The following CTSO variants were observed in gnomAD, a reference collection of about 807,000 sequenced individuals.
The protein encoded by CTSO is cathepsin O.
CTSO carries 40 observed loss-of-function variants against 42.4 expected under a neutral mutation model. That is an observed-to-expected ratio of 0.94 (90% CI 0.73 to 1.23). CTSO has a LOEUF of 1.23. Ranked by LOEUF, CTSO falls within the 50% of genes most tolerant of loss-of-function variation. CTSO has a pLI of 0.00. For synonymous variants in CTSO, 156 were observed against 146.2 expected (o/e 1.07, Z -0.48); for missense variants, 441 against 396.0 (o/e 1.11, Z -0.96).
intron 5 of CTSO, among the ~76,000 whole-genome samples, chr4:155,935,227 G>A (rs1743309386): frequency 6.6e-6 from 1 of 152,132 alleles, no homozygotes; most frequent in South Asian, 2.1e-4. Flanking sequence ...CTCCTGCCGT[G>A]ATTCTGAAGC....
intron 5 of CTSO, among the ~76,000 whole-genome samples, chr4:155,933,324 T>G (rs148211754): frequency 3.0e-4 from 45 of 152,104 alleles, no homozygotes; most frequent in Non-Finnish European, 5.3e-4. Flanking sequence ...AGTGCCTTTC[T>G]CCTCCCGCCA....
chr4:155,925,880 G>A lies in CTSO; in HGVS notation c.*156C>T, dbSNP rs1743120563. On this transcript the variant is annotated 3_prime_UTR_variant, in exon 8 of 8. Transcript: ENST00000433477. The stretch of plus-strand genomic sequence containing the variant: ...TGGTTGTCCATCTCTCTACAAGAAG[G>A]GAACATTCTGAAACTTAGTTTAAAT... 2 of 672,092 alleles carry A rather than the reference G, an allele frequency of 3.0e-6. No homozygotes were observed. The highest frequency in any genetic ancestry group is 1.9e-5 in the South Asian group (1 of 51,924). The allele number at this position is 672,092 out of a possible 1,614,324, so 41.6% of individuals were successfully genotyped here. A position where few individuals can be genotyped will look rare whatever the true frequency, so the allele number is the denominator to read the frequency against.
At chr4:155,932,759 C>T (rs935496696) in intron 5 of CTSO, among the ~76,000 whole-genome samples, 2 of 152,108 alleles carry the variant, frequency 1.3e-5, no homozygotes, top group Admixed American at 1.3e-4. Context: ...ATCAAGAAAC[C>T]CTGCTGCCCC....
chr4:155,945,170 T>A (rs891122277), intron 1 of CTSO, among the ~76,000 whole-genome samples: 5 of 151,644 alleles, frequency 3.3e-5, no homozygotes, highest in African/African-American at 1.2e-4. Flanking sequence ...GGCAGGAGAA[T>A]CGCTTGAACC....
intron 1 of CTSO, among the ~76,000 whole-genome samples, chr4:155,945,443 C>T (rs1743525299): frequency 6.6e-6 from 1 of 152,036 alleles, no homozygotes; most frequent in African/African-American, 2.4e-5. Flanking sequence ...TTTTGCAAGG[C>T]ACAGATTGCC....
At chr4:155,943,968 T>C (rs12504195) in intron 1 of CTSO, among the ~76,000 whole-genome samples, 1 of 152,200 alleles carries the variant, frequency 6.6e-6, no homozygotes, top group Admixed American at 6.5e-5. Flanking sequence ...ACTAACCAAT[T>C]ACATAGAATA....
Position 155,939,557 on chromosome 4 carries a change from A to G in CTSO, c.385-19T>C, listed in dbSNP as rs756922087. Reference sequence around the variant, plus strand: ...CTCCACACTGTTTAAAAACAGAAAAAGGGGTGGTATTTCCAGGGTTTAAAT... The same window carrying G: ...CTCCACACTGTTTAAAAACAGAAAAGGGGGTGGTATTTCCAGGGTTTAAAT... On this transcript the variant is annotated intron_variant, in intron 3 of 7. Coordinates refer to ENST00000433477, the MANE Select transcript of CTSO (RefSeq NM_001334.3). 1.9e-6 allele frequency: 3 copies of G among 1,585,592 alleles called. No homozygotes were observed. Among genetic ancestry groups the G allele is most frequent in the South Asian group, 1.1e-5 (1 of 87,618 alleles).
At chr4:155,938,845 T>C (rs1267777125) in intron 4 of CTSO, among the ~76,000 whole-genome samples, 1 of 152,066 alleles carries the variant, frequency 6.6e-6, no homozygotes, top group Non-Finnish European at 1.5e-5. Context: ...AGTTCCCAGC[T>C]ACTCCGGAGG....
At position 155,925,225 on chromosome 4, in the gene CTSO, A is replaced by G; in HGVS notation, c.*811T>C. On this transcript the variant is annotated 3_prime_UTR_variant, in exon 8 of 8. Transcript: ENST00000433477. ...AAAGAGTAAGAGAAAGAGGGAGAAA[A>G]TATGAGATAATATTTTGGTATTTTG... is the stretch of plus-strand genomic sequence containing the variant. 1 of 152,138 alleles carries G rather than the reference A, an allele frequency of 6.6e-6. No individual in the cohort carries two copies. The highest frequency in any genetic ancestry group is 1.9e-4 in the East Asian group (1 of 5,202). 9.4% of individuals were successfully genotyped at this position (152,138 alleles called of 1,614,324 possible).
intron 1 of CTSO, 100 bp from the exon 2 acceptor site, chr4:155,943,364 A>C: frequency 1.6e-6 from 1 of 628,924 alleles, no homozygotes; most frequent in Non-Finnish European, 2.8e-6. Context: ...ATAAAGTTAA[A>C]GCTTGATTTC....
chr4:155,939,463 C>T lies in CTSO; in HGVS notation c.460G>A (p.Asp154Asn), dbSNP rs201002849. The change falls in exon 4 of 8, where the codon GAC becomes AAC. Residue 154 changes from aspartate (D) to asparagine (N), a missense_variant. Transcript: ENST00000433477. The part of the protein sequence containing the change: ...AYAIKGKPLE[D>N]LSVQQVIDCS... ...TCAATGACCTGCTGGACACTTAGGT[C>T]TTCCAGGGGCTTCCCCTTTATTGCA... 1 of 1,614,108 alleles carries T rather than the reference C, an allele frequency of 6.2e-7. No individual in the cohort carries two copies. The highest frequency in any genetic ancestry group is 8.5e-7 in the Non-Finnish European group (1 of 1,180,002).
intron 5 of CTSO, among the ~76,000 whole-genome samples, chr4:155,937,157 C>T (rs1004012325): frequency 8.5e-5 from 13 of 152,080 alleles, no homozygotes; most frequent in African/African-American, 2.9e-4. Context: ...TCATTTCTAT[C>T]GTAATGACAC....
Position 155,941,670 on chromosome 4 carries a change from C to A in CTSO, c.384+647G>T, listed in dbSNP as rs372674114. Among the ~76,000 whole-genome samples, 433 of 152,312 alleles carry A rather than the reference C, an allele frequency of 2.8e-3. 18 individuals are homozygous for A. In the South Asian group the frequency reaches 0.085, roughly 30 times the overall value. On this transcript the variant is annotated intron_variant, in intron 3 of 7. Transcript: ENST00000433477. Reference sequence around the variant, plus strand: ...TAGGTAGTGTAACCTAACCTCATTTCTCCCATAATCCCTGTCATGCTACTG... The same window carrying A: ...TAGGTAGTGTAACCTAACCTCATTTATCCCATAATCCCTGTCATGCTACTG...
At position 155,929,768 on chromosome 4, in the gene CTSO, T is replaced by TATAAAAATAAA. The variant is rs1339036649; in HGVS notation, c.675-64_675-63insTTTATTTTTAT. The TATAAAAATAAA allele has an allele frequency of 9.8e-5, 143 of 1,465,952 alleles. No homozygotes were observed. The African/African-American group carries it at 1.4e-3, about 14-fold the overall frequency. 90.8% of individuals were successfully genotyped at this position (1,465,952 alleles called of 1,614,324 possible). A position where few individuals can be genotyped will look rare whatever the true frequency, so the allele number is the denominator to read the frequency against. ...TTTTAAGGTAAAAATAACAATGATC[T>TATAAAAATAAA]ATATAATCTGTGTATGATTCTGAGT... On this transcript the variant is annotated intron_variant, in intron 5 of 7. Coordinates refer to ENST00000433477, the MANE Select transcript of CTSO (RefSeq NM_001334.3).
intron 1 of CTSO, among the ~76,000 whole-genome samples, chr4:155,944,938 T>A (rs1435472397): frequency 2.1e-5 from 3 of 145,222 alleles, no homozygotes; most frequent in African/African-American, 7.6e-5. Context: ...TTCACAGGAA[T>A]TGCTCCTGTG....
chr4:155,945,155 G>A (rs1047532963), intron 1 of CTSO, among the ~76,000 whole-genome samples: 1 of 151,968 alleles, frequency 6.6e-6, no homozygotes, highest in East Asian at 1.9e-4. Context: ...TACTCAGGGG[G>A]CTGAGGCAGG....
At chr4:155,927,177 T>G (rs182605783) in intron 7 of CTSO, among the ~76,000 whole-genome samples, 111 of 152,344 alleles carry the variant, frequency 7.3e-4, no homozygotes, top group African/African-American at 1.8e-3. Context: ...GGATTCTGCC[T>G]TATGGAATGA....
chr4:155,946,085 C>T (rs1364589900), intron 1 of CTSO, among the ~76,000 whole-genome samples: 2 of 152,124 alleles, frequency 1.3e-5, no homozygotes, highest in Non-Finnish European at 2.9e-5. Flanking sequence ...GTGGGTTCTA[C>T]ACGTGTGTCT....
intron 3 of CTSO, among the ~76,000 whole-genome samples, chr4:155,940,135 A>G (rs1404300125): frequency 6.6e-6 from 1 of 152,224 alleles, no homozygotes; most frequent in African/African-American, 2.4e-5. Context: ...CTAAGGATAT[A>G]AATCCATATT....
Sources: allele counts gnomAD v4.1 joint callset (sites outside exome capture counted in the v4.1 genomes callset), GRCh38; gene constraint gnomAD v4.1.1; transcripts MANE v1.5; gene names NCBI Gene and HGNC (gene_info 2026-07-23, HGNC 2026-07-21).